SRGAP2: variants seen among roughly 807,000 people sequenced by gnomAD.
SRGAP2 encodes SLIT-ROBO Rho GTPase activating protein 2, also known as SLIT-ROBO Rho GTPase-activating protein 2.
In SRGAP2, 15 loss-of-function variants were observed where a neutral mutation model predicts 57.2. The ratio of observed to expected loss-of-function variants is 0.26; its 90% CI spans 0.18 to 0.40. The LOEUF is 0.40. Among genes scored for constraint, SRGAP2 ranks in the 10% least tolerant of loss-of-function variants. SRGAP2 has a pLI of 1.00. For synonymous variants in SRGAP2, 249 were observed against 248.0 expected (o/e 1.00, Z -0.04); for missense variants, 520 against 669.6 (o/e 0.78, Z 2.47).
intron 2 of SRGAP2, among the ~76,000 whole-genome samples, chr1:206,226,624 A>G (rs1283132997): frequency 1.3e-5 from 2 of 152,116 alleles, no homozygotes; most frequent in Non-Finnish European, 2.9e-5. Context: ...ATGCTTGTGT[A>G]TCAGCTTTGC....
intron 4 of SRGAP2, among the ~76,000 whole-genome samples, chr1:206,361,238 T>A (rs1676888919): frequency 8.0e-6 from 1 of 124,482 alleles, no homozygotes. Context: ...CTGTGGTGCC[T>A]ACAACTTAAC....
chr1:206,312,957 TTG>T (rs1553324685), intron 3 of SRGAP2, among the ~76,000 whole-genome samples: 3 of 151,836 alleles, frequency 2.0e-5, no homozygotes, highest in African/African-American at 7.3e-5. Flanking sequence ...GGCTGTTTGT[TTG>T]TTTTTTTTTT....
chr1:206,440,011 C>T lies in SRGAP2; in HGVS notation c.1804C>T (p.Arg602Trp), dbSNP rs369067812. The change falls in exon 17 of 23, where the codon CGG (arginine) becomes TGG (tryptophan). Residue 602 changes from arginine to tryptophan, a missense_variant. Around this residue, in one of 5 missense-constraint regions of SRGAP2, gnomAD observed 478 missense variants for 373.6 expected, o/e 1.28. Coordinates refer to ENST00000573034, the MANE Select transcript of SRGAP2 (RefSeq NM_015326.5). ...DNLQERALHI[R>W]KVLLVLPKTT... is the part of the protein sequence containing the mutation. ...CCTGCAGGAGAGAGCTCTGCACATC[C>T]GGAAAGTCCTCCTAGTCCTGCCCAA... The T allele has an allele frequency of 6.4e-6, 5 of 780,752 alleles. No homozygotes were observed. Among genetic ancestry groups the T allele is most frequent in the African/African-American group, 5.1e-5 (3 of 59,132 alleles). The allele number at this position is 780,752 out of a possible 1,614,324, so 48.4% of individuals were successfully genotyped here. A position where few individuals can be genotyped will look rare whatever the true frequency, so the allele number is the denominator to read the frequency against.
Position 206,391,648 on chromosome 1 carries a change from C to T in SRGAP2, c.487-1041C>T, listed in dbSNP as rs1356937708. Among the ~76,000 whole-genome samples the T allele has an allele frequency of 4.8e-5, 7 of 146,102 alleles. 1 individual carries two copies. Among genetic ancestry groups the T allele is most frequent in the Non-Finnish European group, 1.0e-4 (7 of 67,380 alleles). On this transcript the variant is annotated intron_variant, in intron 5 of 22. Transcript: ENST00000573034. Reference sequence around the variant, plus strand: ...ACACACACACACACACACATGCACACACACACCCAACTTCTACTCTCTAAT... The same window carrying T: ...ACACACACACACACACACATGCACATACACACCCAACTTCTACTCTCTAAT...
At chr1:206,309,167 TA>T (rs1334138473) in intron 3 of SRGAP2, among the ~76,000 whole-genome samples, 742 of 131,592 alleles carry the variant, frequency 5.6e-3, no homozygotes, top group Middle Eastern at 0.012. Context: ...CCCTGTGTCT[TA>T]AAAAAAAAAA....
At chr1:206,439,685 A>G (rs1662093495) in intron 16 of SRGAP2, among the ~76,000 whole-genome samples, 1 of 152,216 alleles carries the variant, frequency 6.6e-6, no homozygotes, top group Non-Finnish European at 1.5e-5. Context: ...GTTTAATATT[A>G]ATAATGTGTA....
intron 13 of SRGAP2, 104 bp downstream of exon 13, chr1:206,421,378 A>T (rs1166807380): frequency 3.7e-6 from 2 of 546,226 alleles, no homozygotes; most frequent in African/African-American, 3.9e-5. Flanking sequence ...CTCTGACTTC[A>T]TGCCTGCATT....
intron 2 of SRGAP2, among the ~76,000 whole-genome samples, chr1:206,263,428 T>G (rs1156478647): frequency 6.6e-6 from 1 of 150,554 alleles, no homozygotes; most frequent in Non-Finnish European, 1.5e-5. Context: ...ATGGGACAGT[T>G]CAGTGCTCTC....
intron 3 of SRGAP2, among the ~76,000 whole-genome samples, chr1:206,310,581 A>G (rs1329420371): frequency 2.6e-5 from 4 of 152,160 alleles, no homozygotes; most frequent in Admixed American, 2.0e-4. Context: ...TTAGTAGTAC[A>G]GTGATGAGAC....
At chr1:206,416,581 A>G (rs1659719899) in intron 11 of SRGAP2, among the ~76,000 whole-genome samples, 1 of 152,180 alleles carries the variant, frequency 6.6e-6, no homozygotes, top group African/African-American at 2.4e-5. Flanking sequence ...CAGACCCTGG[A>G]AAGTAGCAAG....
chr1:206,301,589 C>T (rs1553618503), intron 2 of SRGAP2, among the ~76,000 whole-genome samples: 3 of 148,140 alleles, frequency 2.0e-5, no homozygotes, highest in African/African-American at 2.5e-5. Flanking sequence ...AATCAGACTC[C>T]GTAAAACACA....
chr1:206,448,164 G>A (rs1295375772), intron 18 of SRGAP2, among the ~76,000 whole-genome samples: 1 of 152,162 alleles, frequency 6.6e-6, no homozygotes, highest in African/African-American at 2.4e-5. Context: ...GCAGTAAGGA[G>A]GTGAGTGAGG....
At chr1:206,377,205 TTAGAC>T (rs1294225593) in intron 4 of SRGAP2, among the ~76,000 whole-genome samples, 1 of 151,980 alleles carries the variant, frequency 6.6e-6, no homozygotes, top group Non-Finnish European at 1.5e-5. Context: ...GTATTGGGCC[TTAGAC>T]TAGTCAAGTT....
chr1:206,267,172 G>T (rs1553314765), intron 2 of SRGAP2, among the ~76,000 whole-genome samples: 2 of 151,970 alleles, frequency 1.3e-5, no homozygotes, highest in Non-Finnish European at 2.9e-5. Flanking sequence ...GTTTCACTGT[G>T]TTAGCCAGGA....
intron 2 of SRGAP2, among the ~76,000 whole-genome samples, chr1:206,267,636 A>C (rs1319612180): frequency 6.6e-6 from 1 of 152,238 alleles, no homozygotes; most frequent in Non-Finnish European, 1.5e-5. Context: ...ATTTGAAACT[A>C]AGAGATGTAA....
chr1:206,441,297 A>G (rs1054878400), intron 17 of SRGAP2, among the ~76,000 whole-genome samples: 1 of 152,224 alleles, frequency 6.6e-6, no homozygotes. Context: ...CTGCCAGTGC[A>G]GGAGTTGCCC....
chr1:206,355,857 C>T (rs1445448428), intron 4 of SRGAP2, among the ~76,000 whole-genome samples: 1 of 152,112 alleles, frequency 6.6e-6, no homozygotes, highest in Non-Finnish European at 1.5e-5. Context: ...ATCTCAGCTA[C>T]TCAGGAGGCT....
At chr1:206,404,760 A>G (rs1383942225) in intron 8 of SRGAP2, among the ~76,000 whole-genome samples, 2 of 151,844 alleles carry the variant, frequency 1.3e-5, no homozygotes, top group East Asian at 1.9e-4. Context: ...ACGCTTTCTC[A>G]TTGAATCAAA....
chr1:206,455,093 AC>A, intron 21 of SRGAP2, 69 bp downstream of exon 21: 1 of 776,432 alleles, frequency 1.3e-6, no homozygotes, highest in Non-Finnish European at 2.4e-6. Context: ...CTCTGGCCTA[AC>A]CCCCATCTCC....
Sources: gnomAD v4.1 joint callset for allele counts (sites outside exome capture counted in the v4.1 genomes callset) on GRCh38, gnomAD v4.1.1 for gene constraint, gnomAD v4.1.1 regional missense constraint, MANE v1.5 for transcripts, NCBI Gene and HGNC (gene_info 2026-07-23, HGNC 2026-07-21) for gene names.